The following IGFALS variants were observed in gnomAD, a reference collection of about 807,000 sequenced individuals.
IGFALS encodes insulin like growth factor binding protein acid labile subunit.
A neutral mutation model predicts 2.6 loss-of-function variants in IGFALS; 2 were observed. The ratio of observed to expected loss-of-function variants is 0.77; its 90% CI spans 0.32 to 2.44. IGFALS has a LOEUF of 2.44. Ranked by LOEUF, IGFALS falls within the 30% of genes most tolerant of loss-of-function variation. The probability of loss-of-function intolerance (pLI) is 0.11; values close to 1 mark genes in which losing one functional copy is unlikely to be tolerated. For missense variants in IGFALS, 996 were observed against 848.7 expected (o/e 1.17, Z -2.16); for synonymous variants, 519 against 431.9 (o/e 1.20, Z -2.50).
Position 1,791,481 on chromosome 16 carries a change from G to A in IGFALS, c.937C>T (p.Leu313=). 16 of 1,611,942 alleles carry A rather than the reference G, an allele frequency of 9.9e-6. No homozygotes were observed. The highest frequency in any genetic ancestry group is 1.4e-5 in the Non-Finnish European group (16 of 1,179,712). The part of the protein sequence containing the change: ...ASLRPRTFKD[L]HFLEELQLGH... ...AGCTGCAGCTCCTCCAGGAAGTGCAGGTCCTTGAAGGTGCGGGGCCGCAGG... is the reference window on the plus strand; with the variant it reads ...AGCTGCAGCTCCTCCAGGAAGTGCAAGTCCTTGAAGGTGCGGGGCCGCAGG... Residue 313 remains leucine (L), a synonymous_variant, in exon 2 of 2, where the codon CTG becomes TTG. Transcript: ENST00000215539.
rs769032694 is a variant in IGFALS, at chr16:1,790,943, T to C, written c.1475A>G (p.Asn492Ser). ...GCTGTTGGGCAATGCCTCCAGGCGG[T>C]TGTGCGAGACGTCCAGCCAGAAGGC... ...QRAFWLDVSHNRLEALPNSLL... is the reference protein window; with the variant it reads ...QRAFWLDVSHSRLEALPNSLL... The change falls in exon 2 of 2, where the codon AAC becomes AGC. Residue 492 changes from asparagine (N) to serine (S), a missense_variant. Coordinates refer to ENST00000215539, the MANE Select transcript of IGFALS (RefSeq NM_004970.3). 2.8e-5 allele frequency: 44 copies of C among 1,594,762 alleles called. No homozygotes were observed. The highest frequency in any genetic ancestry group is 3.4e-5 in the Non-Finnish European group (40 of 1,177,792).
At chr16:1,793,322 C>T (rs112652793) in intron 1 of IGFALS, among the ~76,000 whole-genome samples, 1,533 of 152,208 alleles carry the variant, frequency 0.01, 24 homozygotes, top group African/African-American at 0.035. Flanking sequence ...ACAACGCGGG[C>T]CGTGCGGGGC....
Position 1,792,354 on chromosome 16 carries a change from G to T in IGFALS, c.64C>A (p.Pro22Thr), listed in dbSNP as rs1468303947. The change falls in exon 2 of 2, where the codon CCC becomes ACC. Residue 22 changes from proline to threonine, a missense_variant. By Grantham distance (38) the Pro-to-Thr change is conservative. Coordinates refer to ENST00000215539, the MANE Select transcript of IGFALS (RefSeq NM_004970.3). ...GGGTCTGCTCCCTCCAGGCTGCGGG[G>T]GCCCAGTGCCACCCAGGACAGCAGC... The part of the protein sequence containing the change: ...LLLLSWVALG[P>T]RSLEGADPGT... 1 of 1,590,114 alleles carries T rather than the reference G, an allele frequency of 6.3e-7. No homozygotes were observed. The highest frequency in any genetic ancestry group is 1.1e-5 in the South Asian group (1 of 90,444).
Position 1,791,956 on chromosome 16 carries a change from G to T in IGFALS, c.462C>A (p.Ser154Arg), listed in dbSNP as rs1311575712. 8.8e-6 allele frequency: 14 copies of T among 1,596,222 alleles called. No homozygotes were observed. The highest frequency in any genetic ancestry group is 1.2e-5 in the Non-Finnish European group (14 of 1,173,354). The part of the protein sequence containing the change: ...HTPALASLGL[S>R]NNRLSRLEDG... The stretch of plus-strand genomic sequence containing the variant: ...CCTCCAGCCTGCTCAGACGGTTGTT[G>T]CTGAGGCCGAGCGAGGCCAGCGCGG... Residue 154 changes from serine (S) to arginine (R), a missense_variant, in exon 2 of 2, where the codon AGC (serine) becomes AGA (arginine). By Grantham distance (110) the Ser-to-Arg change is moderately radical (BLOSUM62 -1). Coordinates refer to ENST00000215539, the MANE Select transcript of IGFALS (RefSeq NM_004970.3).
At position 1,791,968 on chromosome 16, in the gene IGFALS, C is replaced by T. The variant is rs529010350; in HGVS notation, c.450G>A (p.Ser150=). The T allele has an allele frequency of 6.0e-4, 959 of 1,600,544 alleles. 8 individuals are homozygous for T. The South Asian group carries it at 0.01, about 17-fold the overall frequency. Residue 150 remains serine (S), a synonymous_variant, in exon 2 of 2, where the codon TCG becomes TCA. Transcript: ENST00000215539. ...GTFAHTPALA[S]LGLSNNRLSR... ...TCAGACGGTTGTTGCTGAGGCCGAG[C>T]GAGGCCAGCGCGGGCGTGTGTGCAA...
chr16:1,793,161 C>G (rs1388774743), intron 1 of IGFALS, among the ~76,000 whole-genome samples: 1 of 152,030 alleles, frequency 6.6e-6, no homozygotes, highest in Admixed American at 6.5e-5. Flanking sequence ...CGAGGTGGGG[C>G]CCCCCCGACT....
rs1469456481 is a variant in IGFALS, at chr16:1,790,745, A to G, written c.1673T>C (p.Val558Ala). 2.5e-6 allele frequency: 4 copies of G among 1,603,964 alleles called. No homozygotes were observed. The East Asian group carries it at 9.0e-5, about 36-fold the overall frequency. ...RDFALQNPSAVPRFVQAICEG... is the reference protein window; with the variant it reads ...RDFALQNPSAAPRFVQAICEG... Reference sequence around the variant, plus strand: ...ACAGATGGCCTGGACGAAGCGGGGCACAGCACTGGGGTTCTGCAGGGCGAA... The same window carrying G: ...ACAGATGGCCTGGACGAAGCGGGGCGCAGCACTGGGGTTCTGCAGGGCGAA... Residue 558 changes from valine to alanine, a missense_variant, in exon 2 of 2, where the codon GTG becomes GCG. Val to Ala is a moderately conservative substitution (Grantham distance 64, BLOSUM62 0). Transcript: ENST00000215539.
chr16:1,791,755 C>A lies in IGFALS; in HGVS notation c.663G>T (p.Arg221=), dbSNP rs934211795. The A allele has an allele frequency of 6.4e-7, 1 of 1,550,508 alleles. No homozygotes were observed. The highest frequency in any genetic ancestry group is 1.4e-5 in the African/African-American group (1 of 73,462). The change falls in exon 2 of 2, where the codon CGG becomes CGT. Residue 221 remains arginine, a synonymous_variant. Transcript: ENST00000215539. ...GCGCGTTCCTGCTCAGGTCCAGCTC[C>A]CGGAGCTCGGCCAGGCCGCTGAAGA... ...PALFSGLAEL[R]ELDLSRNALR... is the part of the protein sequence containing the mutation.
rs753982847 is a variant in IGFALS, at chr16:1,790,767, C to T, written c.1651G>A (p.Ala551Thr). ...GCPLKALRDF[A>T]LQNPSAVPRF... Reference sequence around the variant, plus strand: ...GGCACAGCACTGGGGTTCTGCAGGGCGAAGTCCCGCAGCGCCTTGAGAGGG... The same window carrying T: ...GGCACAGCACTGGGGTTCTGCAGGGTGAAGTCCCGCAGCGCCTTGAGAGGG... The change falls in exon 2 of 2, where the codon GCC (alanine) becomes ACC (threonine). Residue 551 changes from alanine (A) to threonine (T), a missense_variant. Transcript: ENST00000215539. 103 of 1,592,180 alleles carry T rather than the reference C, an allele frequency of 6.5e-5. No homozygotes were observed. In the African/African-American group the frequency reaches 7.0e-4, roughly 11 times the overall value.
At position 1,791,213 on chromosome 16, in the gene IGFALS, C is replaced by A; in HGVS notation, c.1205G>T (p.Arg402Leu). Reference protein sequence around the residue: ...HLEGSCLGRIRPHTFTGLSGL... With the variant: ...HLEGSCLGRILPHTFTGLSGL... The stretch of plus-strand genomic sequence containing the variant: ...CGAGAGGCCGGTGAAGGTGTGCGGG[C>A]GGATGCGTCCCAGGCAGCTGCCCTC... Residue 402 changes from arginine (R) to leucine (L), a missense_variant, in exon 2 of 2, where the codon CGC becomes CTC. Transcript: ENST00000215539. 6.2e-7 allele frequency: 1 copy of A among 1,607,840 alleles called. No individual in the cohort carries two copies.
chr16:1,793,664 G>C lies in IGFALS; in HGVS notation c.-12C>G. On this transcript the variant is annotated 5_prime_UTR_variant, in exon 1 of 2. Coordinates refer to ENST00000215539, the MANE Select transcript of IGFALS (RefSeq NM_004970.3). ...TTCCTCAGGGCCATCCTGCATGCAGGGCAGGCTGCAGGCAGGCAGCGAGGG... is the reference window on the plus strand; with the variant it reads ...TTCCTCAGGGCCATCCTGCATGCAGCGCAGGCTGCAGGCAGGCAGCGAGGG... 1 of 1,593,360 alleles carries C rather than the reference G, an allele frequency of 6.3e-7. No homozygotes were observed. The highest frequency in any genetic ancestry group is 1.1e-5 in the South Asian group (1 of 88,174).
chr16:1,790,566 G>C lies in IGFALS; in HGVS notation c.*34C>G, dbSNP rs781779702. 8 of 1,527,316 alleles carry C rather than the reference G, an allele frequency of 5.2e-6. No homozygotes were observed. The East Asian group carries it at 1.9e-4, about 37-fold the overall frequency. The allele number at this position is 1,527,316 out of a possible 1,614,324, so 94.6% of individuals were successfully genotyped here. A position where few individuals can be genotyped will look rare whatever the true frequency, so the allele number is the denominator to read the frequency against. On this transcript the variant is annotated 3_prime_UTR_variant, in exon 2 of 2. Transcript: ENST00000215539. ...CCCAGCACAAGGTGAGCCAGGTGGGGGCCTGAGTCCGGGGCTTGAGTCCGG... is the reference window on the plus strand; with the variant it reads ...CCCAGCACAAGGTGAGCCAGGTGGGCGCCTGAGTCCGGGGCTTGAGTCCGG...
Position 1,792,335 on chromosome 16 carries a change from G to A in IGFALS, c.83C>T (p.Ala28Val). 1 of 1,593,680 alleles carries A rather than the reference G, an allele frequency of 6.3e-7. No homozygotes were observed. Among genetic ancestry groups the A allele is most frequent in the Non-Finnish European group, 8.5e-7 (1 of 1,176,112 alleles). Residue 28 changes from alanine (A) to valine (V), a missense_variant, in exon 2 of 2, where the codon GCA becomes GTA. Ala to Val is a moderately conservative substitution (Grantham distance 64). Coordinates refer to ENST00000215539, the MANE Select transcript of IGFALS (RefSeq NM_004970.3). ...GGCTTCCCCCGGCGTTCCGGGGTCT[G>A]CTCCCTCCAGGCTGCGGGGGCCCAG... ...VALGPRSLEG[A>V]DPGTPGEAEG...
chr16:1,794,672 C>T (rs943189005), upstream of IGFALS, among the ~76,000 whole-genome samples: 10 of 152,316 alleles, frequency 6.6e-5, no homozygotes, highest in East Asian at 9.7e-4. Context: ...CCCTCCAGGT[C>T]CCTGCAGGCC....
rs979988929 is a variant in IGFALS, at chr16:1,790,632, C to A, written c.1786G>T (p.Asp596Tyr). The A allele has an allele frequency of 6.3e-7, 1 of 1,580,612 alleles. No homozygotes were observed. The highest frequency in any genetic ancestry group is 8.6e-7 in the Non-Finnish European group (1 of 1,164,496). The change falls in exon 2 of 2, where the codon GAC becomes TAC. Residue 596 changes from aspartate to tyrosine, a missense_variant. Physicochemically the swap from Asp to Tyr is radical, Grantham distance 160. Transcript: ENST00000215539. ...GGAGCAAAGTGGGCCTCGCTGAGGT[C>A]CCGCAGGTCGAGCCCCACGACCTCG... ...PPEVVGLDLR[D>Y]LSEAHFAPC
chr16:1,791,956 G>A lies in IGFALS; in HGVS notation c.462C>T (p.Ser154=). 1 of 1,596,340 alleles carries A rather than the reference G, an allele frequency of 6.3e-7. No homozygotes were observed. Residue 154 remains serine, a synonymous_variant, in exon 2 of 2, where the codon AGC becomes AGT. Transcript: ENST00000215539. The part of the protein sequence containing the change: ...HTPALASLGL[S]NNRLSRLEDG... The stretch of plus-strand genomic sequence containing the variant: ...CCTCCAGCCTGCTCAGACGGTTGTT[G>A]CTGAGGCCGAGCGAGGCCAGCGCGG...
At chr16:1,793,441 TG>T (rs1427834787) in intron 1 of IGFALS, among the ~76,000 whole-genome samples, 195 bp downstream of exon 1, 3 of 152,012 alleles carry the variant, frequency 2.0e-5, no homozygotes, top group Admixed American at 2.0e-4. Flanking sequence ...AGACCCCTGG[TG>T]CCAGGCACAG....
chr16:1,792,363 C>T lies in IGFALS; in HGVS notation c.55G>A (p.Ala19Thr). The T allele has an allele frequency of 1.3e-6, 2 of 1,584,234 alleles. No individual in the cohort carries two copies. The highest frequency in any genetic ancestry group is 8.6e-7 in the Non-Finnish European group (1 of 1,169,280). Residue 19 changes from alanine (A) to threonine (T), a missense_variant, in exon 2 of 2, where the codon GCA (alanine) becomes ACA (threonine). By Grantham distance (58) the Ala-to-Thr change is moderately conservative. Transcript: ENST00000215539. ...CCCTCCAGGCTGCGGGGGCCCAGTGCCACCCAGGACAGCAGCAGCAGCGCC... is the reference window on the plus strand; with the variant it reads ...CCCTCCAGGCTGCGGGGGCCCAGTGTCACCCAGGACAGCAGCAGCAGCGCC... Reference protein sequence around the residue: ...ALALLLLSWVALGPRSLEGAD... With the variant: ...ALALLLLSWVTLGPRSLEGAD...
upstream of IGFALS, chr16:1,793,798 A>G: frequency 1.4e-6 from 1 of 725,932 alleles, no homozygotes; most frequent in Non-Finnish European, 2.2e-6. Context: ...GGCTCTGTTA[A>G]CCCCCTCGTG....
Sources: allele counts gnomAD v4.1 joint callset (sites outside exome capture counted in the v4.1 genomes callset), GRCh38; gene constraint gnomAD v4.1.1; transcripts MANE v1.5; gene names NCBI Gene and HGNC (gene_info 2026-07-23, HGNC 2026-07-21).